The following PTPRD variants were observed in gnomAD, a reference collection of about 807,000 sequenced individuals.
PTPRD encodes the protein receptor-type tyrosine-protein phosphatase delta.
Under a neutral mutation model 214.5 loss-of-function variants are expected in PTPRD, and 34 were observed. The observed-to-expected ratio is 0.16, with a 90% CI of 0.12 to 0.21. PTPRD has a LOEUF of 0.21. Among genes scored for constraint, PTPRD ranks in the 10% least tolerant of loss-of-function variants. PTPRD has a pLI of 1.00. For missense variants in PTPRD, 2,545 were observed against 2,398.7 expected (o/e 1.06, Z -1.27); for synonymous variants, 1,128 against 845.7 (o/e 1.33, Z -5.79).
intron 3 of PTPRD, among the ~76,000 whole-genome samples, chr9:10,247,415 A>G (rs2154366787): frequency 6.6e-6 from 1 of 152,352 alleles, no homozygotes; most frequent in East Asian, 1.9e-4. Context: ...ATCCCTAAAC[A>G]ATAAGTTAGA....
intron 11 of PTPRD, among the ~76,000 whole-genome samples, chr9:8,783,906 A>G (rs535203659): frequency 6.6e-6 from 1 of 152,196 alleles, no homozygotes; most frequent in South Asian, 2.1e-4. Context: ...CTTCAGTGCT[A>G]TACATCCTAA....
intron 30 of PTPRD, among the ~76,000 whole-genome samples, chr9:8,474,357 G>A (rs1386388943): frequency 6.6e-6 from 1 of 151,922 alleles, no homozygotes; most frequent in Admixed American, 6.6e-5. Context: ...TCATCATCCT[G>A]GGTGATTTCA....
Position 8,975,078 on chromosome 9 carries a change from C to T in PTPRD, c.-104+43619G>A, listed in dbSNP as rs146650109. 7.6e-3 allele frequency among the ~76,000 whole-genome samples: 863 copies of T among 114,166 alleles called. 6 individuals are homozygous for T. Among genetic ancestry groups the T allele is most frequent in the Admixed American group, 0.017 (171 of 9,792 alleles). The allele number at this position is 114,166 out of a possible 152,430, so 74.9% of individuals were successfully genotyped here. ...TGCCATTGCACTCCAGCCTGGGTGA[C>T]AAGAGCAAAACTCTGTCTCAAAAAA... is the stretch of plus-strand genomic sequence containing the variant. On this transcript the variant is annotated intron_variant, in intron 11 of 45. Coordinates refer to ENST00000381196, the MANE Select transcript of PTPRD (RefSeq NM_002839.4).
rs1023135601 is a variant in PTPRD at position 8,614,798 on chromosome 9, A to C, written c.352+18519T>G. Among the ~76,000 whole-genome samples the C allele has an allele frequency of 4.7e-4, 72 of 152,180 alleles. 1 individual carries two copies. The highest frequency in any genetic ancestry group is 1.3e-4 in the Non-Finnish European group (9 of 68,032). ...TCAGGAACAAGTATCTGTTAGCCAA[A>C]GTCTACGACAGAGTTGGACAATTAC... On this transcript the variant is annotated intron_variant, in intron 14 of 45. Transcript: ENST00000381196.
intron 11 of PTPRD, among the ~76,000 whole-genome samples, chr9:8,757,621 C>CATATAT (rs140684940): frequency 7.1e-4 from 102 of 143,374 alleles, no homozygotes; most frequent in African/African-American, 2.4e-3. Context: ...ATAAATTCTG[C>CATATAT]ATATATATAT....
chr9:10,072,435 G>C (rs1243615133), intron 3 of PTPRD, among the ~76,000 whole-genome samples: 2 of 152,064 alleles, frequency 1.3e-5, no homozygotes, highest in African/African-American at 4.8e-5. Context: ...GAGCGTTATA[G>C]CTCTTCAAGA....
intron 37 of PTPRD, among the ~76,000 whole-genome samples, chr9:8,379,640 GTCT>G (rs2084346485): frequency 6.6e-6 from 1 of 151,890 alleles, no homozygotes; most frequent in African/African-American, 2.4e-5. Flanking sequence ...CCCCTACTCG[GTCT>G]TCTTAAGAGA....
chr9:9,857,543 A>G (rs2061788492), intron 5 of PTPRD, among the ~76,000 whole-genome samples: 1 of 152,202 alleles, frequency 6.6e-6, no homozygotes, highest in African/African-American at 2.4e-5. Context: ...AGAAGCTCAC[A>G]GGATGCTGGC....
intron 3 of PTPRD, among the ~76,000 whole-genome samples, chr9:10,075,001 G>C (rs1472695228): frequency 6.6e-6 from 1 of 152,136 alleles, no homozygotes; most frequent in Non-Finnish European, 1.5e-5. Flanking sequence ...GGGGAAGAGA[G>C]AGAAAAATAA....
chr9:8,460,870 A>G (rs909750769), intron 32 of PTPRD, among the ~76,000 whole-genome samples: 2 of 152,066 alleles, frequency 1.3e-5, no homozygotes, highest in Non-Finnish European at 2.9e-5. Context: ...AAATGATCCT[A>G]TGAAGCGTAA....
chr9:9,795,049 CA>C (rs1192691913), intron 5 of PTPRD, among the ~76,000 whole-genome samples: 1 of 152,216 alleles, frequency 6.6e-6, no homozygotes, highest in Non-Finnish European at 1.5e-5. Flanking sequence ...AGGCCACTCC[CA>C]AGCCCCTGGG....
At chr9:8,565,010 C>G (rs562143399) in intron 14 of PTPRD, among the ~76,000 whole-genome samples, 2 of 152,272 alleles carry the variant, frequency 1.3e-5, no homozygotes, top group East Asian at 3.9e-4. Context: ...AATACAAAAG[C>G]TCCTTCATTG....
At chr9:8,956,306 A>G (rs1364229465) in intron 11 of PTPRD, among the ~76,000 whole-genome samples, 5 of 151,944 alleles carry the variant, frequency 3.3e-5, no homozygotes, top group Non-Finnish European at 4.4e-5. Flanking sequence ...ATTTTTCTTC[A>G]AGGAAAGAAA....
chr9:9,477,480 C>G (rs2095143912), intron 8 of PTPRD, among the ~76,000 whole-genome samples: 1 of 152,122 alleles, frequency 6.6e-6, no homozygotes, highest in Admixed American at 6.6e-5. Context: ...TGTAGTCACC[C>G]CACTCAAAGA....
chr9:9,554,130 G>C (rs1181882280), intron 8 of PTPRD, among the ~76,000 whole-genome samples: 3 of 152,004 alleles, frequency 2.0e-5, no homozygotes, highest in African/African-American at 7.2e-5. Flanking sequence ...ATGTGGGCAA[G>C]AATCCAAAAA....
rs2132533878 is a variant in PTPRD at position 8,436,674 on chromosome 9, G to A, written c.4004C>T (p.Pro1335Leu). The change falls in exon 35 of 46, where the codon CCT (proline) becomes CTT (leucine). Residue 1335 changes from proline (P) to leucine (L), a missense_variant. Physicochemically the swap from Pro to Leu is moderately conservative, Grantham distance 98. Transcript: ENST00000381196. ...NFQTPGMASH[P>L]PIPILELADH... ...TGCAAGTTCCAAGATGGGTATTGGA[G>A]GATGGCTAGCCATACCTATTGAAAA... The A allele has an allele frequency of 6.2e-7, 1 of 1,612,810 alleles. No homozygotes were observed. Among genetic ancestry groups the A allele is most frequent in the Non-Finnish European group, 8.5e-7 (1 of 1,179,284 alleles).
chr9:10,107,247 C>A (rs1012936784), intron 3 of PTPRD, among the ~76,000 whole-genome samples: 8 of 151,852 alleles, frequency 5.3e-5, no homozygotes, highest in Admixed American at 1.3e-4. Flanking sequence ...TAGTTGTGGC[C>A]AGCAACATTG....
intron 35 of PTPRD, among the ~76,000 whole-genome samples, chr9:8,413,925 A>C (rs567744115): frequency 6.6e-6 from 1 of 152,148 alleles, no homozygotes. Flanking sequence ...AAAAATCAGT[A>C]CATTGATGAT....
intron 2 of PTPRD, among the ~76,000 whole-genome samples, chr9:10,537,735 G>A (rs1315542522): frequency 6.6e-6 from 1 of 151,976 alleles, no homozygotes; most frequent in Admixed American, 6.6e-5. Context: ...TCATCATAAT[G>A]TCTTAAAATT....
Sources: allele counts gnomAD v4.1 joint callset (sites outside exome capture counted in the v4.1 genomes callset), GRCh38; gene constraint gnomAD v4.1.1; transcripts MANE v1.5; gene names NCBI Gene and HGNC (gene_info 2026-07-23, HGNC 2026-07-21).